The following ELAVL2 variants were observed in gnomAD, a reference collection of about 807,000 sequenced individuals.
ELAVL2 encodes the protein ELAV like RNA binding protein 2.
ELAVL2 carries 4 observed loss-of-function variants against 34.6 expected under a neutral mutation model. The observed-to-expected ratio is 0.12, with a 90% confidence interval of 0.06 to 0.26. The LOEUF (loss-of-function observed/expected upper bound fraction) is 0.26, where lower values mean the gene tolerates loss of function less well. Among genes scored for constraint, ELAVL2 ranks in the 10% least tolerant of loss-of-function variants. The pLI, the probability that ELAVL2 is intolerant of heterozygous loss-of-function variation, is 1.00. For missense variants in ELAVL2, 432 were observed against 442.8 expected, an observed-to-expected ratio of 0.98 and a Z score of 0.22; for synonymous variants, 193 against 154.8, an observed-to-expected ratio of 1.25 and a Z score of -1.83.
chr9:23,850,261 G>A, the ELAVL2 span, among the ~76,000 whole-genome samples: 1 of 117,414 alleles, frequency 8.5e-6, no homozygotes. Flanking sequence ...GCACCCCCGC[G>A]ATTACCCGAG....
At chr9:23,762,340 A>G (rs1024020164) in intron 1 of ELAVL2, 91 bp from the exon 2 acceptor site, 17 of 1,499,864 alleles carry the variant, frequency 1.1e-5, no homozygotes, top group Middle Eastern at 1.8e-4. Flanking sequence ...GTCACTAAAC[A>G]CAAGTCGTTC....
At chr9:23,738,522 C>T (rs2048411224) in intron 2 of ELAVL2, among the ~76,000 whole-genome samples, 2 of 152,080 alleles carry the variant, frequency 1.3e-5, no homozygotes, top group South Asian at 4.1e-4. Context: ...ACCAGCTTCC[C>T]AAAGGACATT....
intron 1 of ELAVL2, among the ~76,000 whole-genome samples, chr9:23,787,994 A>C (rs898382446): frequency 6.6e-6 from 1 of 152,204 alleles, no homozygotes; most frequent in Non-Finnish European, 1.5e-5. Flanking sequence ...TAGTCCAAGC[A>C]GTGATTAAAA....
chr9:23,753,501 A>T (rs1001313309), intron 2 of ELAVL2, among the ~76,000 whole-genome samples: 1 of 152,168 alleles, frequency 6.6e-6, no homozygotes, highest in Non-Finnish European at 1.5e-5. Flanking sequence ...ACTGTCAAAA[A>T]CAGGTTGATT....
upstream of ELAVL2, among the ~76,000 whole-genome samples, chr9:23,827,640 A>G (rs2065365880): frequency 6.6e-6 from 1 of 152,130 alleles, no homozygotes; most frequent in East Asian, 1.9e-4. Flanking sequence ...ACTAGTCGCT[A>G]TCTTTGAGAA....
At chr9:23,798,675 A>T (rs2061248517) in intron 1 of ELAVL2, among the ~76,000 whole-genome samples, 1 of 152,130 alleles carries the variant, frequency 6.6e-6, no homozygotes, top group African/African-American at 2.4e-5. Context: ...GTGGGAAGGG[A>T]GACGAGGGAG....
At position 23,736,695 on chromosome 9, in the gene ELAVL2, A is replaced by G. The variant is rs564129095; in HGVS notation, c.230-5570T>C. 3.9e-5 allele frequency among the ~76,000 whole-genome samples: 6 copies of G among 152,108 alleles called. 1 individual carries two copies. The highest frequency in any genetic ancestry group is 5.9e-5 in the Non-Finnish European group (4 of 68,016). ...TTGTCTGCGTTAGCATTGGTTCTCTATTATTCTGGCCCTGATCACTGCTAC... is the reference window on the plus strand; with the variant it reads ...TTGTCTGCGTTAGCATTGGTTCTCTGTTATTCTGGCCCTGATCACTGCTAC... On this transcript the variant is annotated intron_variant, in intron 2 of 6. Coordinates refer to ENST00000397312, the MANE Select transcript of ELAVL2 (RefSeq NM_004432.5).
At chr9:23,774,407 A>C (rs1180239798) in intron 1 of ELAVL2, among the ~76,000 whole-genome samples, 2 of 152,094 alleles carry the variant, frequency 1.3e-5, no homozygotes, top group African/African-American at 2.4e-5. Context: ...GACTTTTCCT[A>C]ATCATGACTG....
intron 1 of ELAVL2, among the ~76,000 whole-genome samples, chr9:23,803,397 C>G (rs948613945): frequency 5.9e-5 from 9 of 152,202 alleles, no homozygotes; most frequent in Non-Finnish European, 7.3e-5. Context: ...TTATGAGTCT[C>G]TCCTACACAA....
upstream of ELAVL2, chr9:23,830,204 T>G (rs1356007307): frequency 6.6e-6 from 1 of 152,376 alleles, no homozygotes; most frequent in African/African-American, 2.4e-5. Flanking sequence ...TGCTCACCCT[T>G]GCTCCCTCCC....
intron 1 of ELAVL2, among the ~76,000 whole-genome samples, chr9:23,781,998 T>A (rs2059132592): frequency 1.3e-5 from 2 of 152,012 alleles, no homozygotes; most frequent in Admixed American, 1.3e-4. Flanking sequence ...TTTTAAAATC[T>A]TTTGTGGAGA....
At chr9:23,816,316 G>GAA (rs2063698381) in intron 1 of ELAVL2, among the ~76,000 whole-genome samples, 1 of 10,876 alleles carries the variant, frequency 9.2e-5, no homozygotes. Flanking sequence ...AAAGCTTTCA[G>GAA]TAAAAAAAAA....
chr9:23,792,285 A>G (rs959424724), intron 1 of ELAVL2, among the ~76,000 whole-genome samples: 1 of 152,250 alleles, frequency 6.6e-6, no homozygotes, highest in Non-Finnish European at 1.5e-5. Context: ...TACTTATGAC[A>G]TCTTCAACTT....
intron 1 of ELAVL2, among the ~76,000 whole-genome samples, chr9:23,778,368 C>G (rs1013535674): frequency 2.0e-5 from 3 of 152,052 alleles, no homozygotes; most frequent in Non-Finnish European, 4.4e-5. Context: ...TCCTTAAAAA[C>G]AAAACAAAAC....
intron 1 of ELAVL2, among the ~76,000 whole-genome samples, chr9:23,771,796 A>C (rs891203111): frequency 1.3e-5 from 2 of 152,214 alleles, no homozygotes; most frequent in African/African-American, 4.8e-5. Context: ...AAATGGGAGT[A>C]AACTTTAAAA....
intron 1 of ELAVL2, among the ~76,000 whole-genome samples, chr9:23,809,957 T>C (rs900999255): frequency 1.8e-4 from 27 of 152,304 alleles, no homozygotes; most frequent in Non-Finnish European, 2.6e-4. Context: ...AAACATCCTA[T>C]TGAACACTTG....
At position 23,692,638 on chromosome 9, in the gene ELAVL2, C is replaced by T. The variant is rs138707415; in HGVS notation, c.999G>A (p.Ala333=). 4.1e-4 allele frequency: 654 copies of T among 1,614,194 alleles called. No homozygotes were observed. Among genetic ancestry groups the T allele is most frequent in the Admixed American group, 6.2e-4 (37 of 60,026 alleles). The stretch of plus-strand genomic sequence containing the variant: ...GACGGTATCCATTGAGGCTAGCTAT[C>T]GCCATGGCAGCCTCATCATAGTTTG... ...TMTNYDEAAM[A]IASLNGYRLG... The change falls in exon 7 of 7, where the codon GCG becomes GCA. Residue 333 remains alanine, a synonymous_variant. Coordinates refer to ENST00000397312, the MANE Select transcript of ELAVL2 (RefSeq NM_004432.5).
intron 3 of ELAVL2, among the ~76,000 whole-genome samples, chr9:23,714,315 T>C (rs1008679333): frequency 7.9e-5 from 12 of 152,192 alleles, no homozygotes; most frequent in Non-Finnish European, 5.9e-5. Context: ...GTATGCACTC[T>C]AACACAGAAA....
At chr9:23,826,354 G>C (rs902987643), upstream of ELAVL2, 1 of 152,394 alleles carries the variant, frequency 6.6e-6, no homozygotes, top group Non-Finnish European at 1.5e-5. Context: ...CGGGCAGCAC[G>C]CGCGGAAGTA....
Sources: allele counts gnomAD v4.1 joint callset (sites outside exome capture counted in the v4.1 genomes callset), GRCh38; gene constraint gnomAD v4.1.1; transcripts MANE v1.5; gene names NCBI Gene and HGNC (gene_info 2026-07-23, HGNC 2026-07-21).